Variants in MITF observed in about 807,000 individuals in gnomAD.
The protein encoded by MITF is microphthalmia-associated transcription factor.
MITF carries 17 observed loss-of-function variants against 60.5 expected under a neutral mutation model. That is an observed-to-expected ratio of 0.28 (90% CI 0.19 to 0.42). MITF has a LOEUF of 0.42. Among genes scored for constraint, MITF ranks in the 10% least tolerant of loss-of-function variants. The pLI is 1.00. For synonymous variants in MITF, 260 were observed against 248.5 expected (o/e 1.05, Z -0.43); for missense variants, 622 against 683.5 (o/e 0.91, Z 1.00).
chr3:69,839,380 C>CTTT (rs5849927), intron 1 of MITF, among the ~76,000 whole-genome samples: 2 of 139,218 alleles, frequency 1.4e-5, no homozygotes, highest in Non-Finnish European at 3.1e-5. Flanking sequence ...ATGTGATTTT[C>CTTT]TTTTTTTTTT....
In MITF at chr3:69,966,671, T is replaced by G. The variant is rs1218350074; in HGVS notation, c.*1423T>G. 4.3e-6 allele frequency: 1 copy of G among 232,990 alleles called. No individual in the cohort carries two copies. Among genetic ancestry groups the G allele is most frequent in the Non-Finnish European group, 8.5e-6 (1 of 117,710 alleles). 14.4% of individuals were successfully genotyped at this position (232,990 alleles called of 1,614,324 possible). On this transcript the variant is annotated 3_prime_UTR_variant, in exon 10 of 10. Transcript: ENST00000352241. ...AAGTTAGTTTCAGTGCATTATCTAC[T>G]TGTGTAGTCCTATGCAATAACAGTA...
intron 1 of MITF, among the ~76,000 whole-genome samples, chr3:69,809,891 T>C (rs1239255590): frequency 6.6e-6 from 1 of 152,230 alleles, no homozygotes; most frequent in Non-Finnish European, 1.5e-5. Context: ...GACTCTCTTA[T>C]GCGTCTCTCT....
Position 69,856,647 on chromosome 3 carries a change from A to G in MITF, c.105-22487A>G, listed in dbSNP as rs529679676. 2.6e-5 allele frequency among the ~76,000 whole-genome samples: 4 copies of G among 152,302 alleles called. No individual in the cohort carries two copies. The South Asian group carries it at 6.2e-4, about 24-fold the overall frequency. On this transcript the variant is annotated intron_variant, in intron 1 of 9. Coordinates refer to ENST00000352241, the MANE Select transcript of MITF (RefSeq NM_001354604.2). ...TTACCATGTTTCTCAAAGGAAGCCT[A>G]TCATTCTCCCCCAAATTTCCAAAGA... is the stretch of plus-strand genomic sequence containing the variant.
chr3:69,882,388 G>A (rs1428039934), intron 2 of MITF, among the ~76,000 whole-genome samples: 1 of 151,906 alleles, frequency 6.6e-6, no homozygotes, highest in Non-Finnish European at 1.5e-5. Context: ...GAGTCTTATT[G>A]CTATATATTT....
At chr3:69,896,676 C>T (rs967026400) in intron 2 of MITF, among the ~76,000 whole-genome samples, 9 of 152,074 alleles carry the variant, frequency 5.9e-5, no homozygotes, top group Non-Finnish European at 1.0e-4. Flanking sequence ...TTTTGCAGAA[C>T]GTGATGTTTT....
chr3:69,947,482 A>G (rs1233313718), intron 5 of MITF, among the ~76,000 whole-genome samples: 1 of 152,192 alleles, frequency 6.6e-6, no homozygotes. Flanking sequence ...TATTTCAACT[A>G]AAACCACTTA....
intron 1 of MITF, among the ~76,000 whole-genome samples, chr3:69,852,115 G>T (rs1383577365): frequency 6.6e-6 from 1 of 152,132 alleles, no homozygotes; most frequent in Non-Finnish European, 1.5e-5. Flanking sequence ...GATCAAGGAA[G>T]ATTGTTAAGA....
intron 1 of MITF, among the ~76,000 whole-genome samples, chr3:69,783,611 C>T (rs1269147409): frequency 1.3e-5 from 2 of 152,040 alleles, no homozygotes; most frequent in African/African-American, 2.4e-5. Flanking sequence ...TTACTCTAAT[C>T]GAATGATCTG....
intron 2 of MITF, among the ~76,000 whole-genome samples, chr3:69,901,449 T>C (rs1200444771): frequency 6.6e-6 from 1 of 152,156 alleles, no homozygotes; most frequent in East Asian, 1.9e-4. Flanking sequence ...CCCAAGTTTT[T>C]AGCCCTGTCA....
chr3:69,834,290 G>T (rs139333911), intron 1 of MITF, among the ~76,000 whole-genome samples: 4 of 152,264 alleles, frequency 2.6e-5, no homozygotes, highest in Non-Finnish European at 5.9e-5. Flanking sequence ...CTTTGTATCT[G>T]TTCACTAACC....
At chr3:69,844,700 A>T (rs2063699271) in intron 1 of MITF, among the ~76,000 whole-genome samples, 1 of 152,230 alleles carries the variant, frequency 6.6e-6, no homozygotes, top group Non-Finnish European at 1.5e-5. Flanking sequence ...ATGGAATGGG[A>T]GAAAATTTTT....
chr3:69,963,886 C>T (rs1327130323), intron 9 of MITF, among the ~76,000 whole-genome samples: 1 of 151,510 alleles, frequency 6.6e-6, no homozygotes, highest in Non-Finnish European at 1.5e-5. Flanking sequence ...TTGCAGCACA[C>T]ATGGGGACCT....
chr3:69,940,560 G>A (rs1288969094), intron 4 of MITF, among the ~76,000 whole-genome samples: 1 of 152,048 alleles, frequency 6.6e-6, no homozygotes, highest in Non-Finnish European at 1.5e-5. Context: ...TACTCCCTGG[G>A]GAGTACCAAG....
intron 1 of MITF, among the ~76,000 whole-genome samples, chr3:69,761,434 G>C (rs1016883486): frequency 1.3e-4 from 20 of 152,184 alleles, no homozygotes; most frequent in Admixed American, 5.9e-4. Flanking sequence ...GATTCAAACT[G>C]AGGACTGTCT....
At chr3:69,903,927 A>G (rs2065044778) in intron 2 of MITF, among the ~76,000 whole-genome samples, 1 of 152,162 alleles carries the variant, frequency 6.6e-6, no homozygotes, top group Non-Finnish European at 1.5e-5. Context: ...CGTTGGCAAA[A>G]AGGCAATAAC....
chr3:69,783,153 ATG>A (rs2062593062), intron 1 of MITF, among the ~76,000 whole-genome samples: 2 of 152,152 alleles, frequency 1.3e-5, no homozygotes, highest in African/African-American at 4.8e-5. Flanking sequence ...CATTTAATGC[ATG>A]TGAACAGACA....
At chr3:69,835,278 A>G (rs2063523872) in intron 1 of MITF, among the ~76,000 whole-genome samples, 1 of 152,094 alleles carries the variant, frequency 6.6e-6, no homozygotes, top group South Asian at 2.1e-4. Flanking sequence ...TCAGCTTCCC[A>G]AAGTGCTGGG....
At chr3:69,961,363 C>CA (rs2066540893) in intron 9 of MITF, among the ~76,000 whole-genome samples, 1 of 146,286 alleles carries the variant, frequency 6.8e-6, no homozygotes, top group South Asian at 2.2e-4. Context: ...GCCTAGGCGA[C>CA]AGAGTGAGAC....
chr3:69,754,251 C>CT (rs1704045941), intron 1 of MITF, among the ~76,000 whole-genome samples: 1 of 151,488 alleles, frequency 6.6e-6, no homozygotes, highest in South Asian at 2.1e-4. Flanking sequence ...GAGTCTCACT[C>CT]TGTCACCCAG....
Sources: allele counts gnomAD v4.1 joint callset (sites outside exome capture counted in the v4.1 genomes callset), GRCh38; gene constraint gnomAD v4.1.1; transcripts MANE v1.5; gene names NCBI Gene and HGNC (gene_info 2026-07-23, HGNC 2026-07-21).